ATP5MC1: variants seen among roughly 807,000 people sequenced by gnomAD.
ATP5MC1 encodes ATP synthase F(0) complex subunit C1, mitochondrial.
Under a neutral mutation model 12.1 loss-of-function variants are expected in ATP5MC1, and 4 were observed. The observed-to-expected ratio is 0.33, with a 90% CI of 0.16 to 0.76. The LOEUF is 0.76. Among genes scored for constraint, ATP5MC1 ranks in the 30% least tolerant of loss-of-function variants. ATP5MC1 has a pLI of 0.61. For missense variants in ATP5MC1, 117 were observed against 172.1 expected (o/e 0.68, Z 1.79); for synonymous variants, 52 against 66.0 (o/e 0.79, Z 1.03).
At chr17:48,894,096 G>A (rs898648896) in intron 2 of ATP5MC1, 3 of 387,900 alleles carry the variant, frequency 7.7e-6, no homozygotes, top group Admixed American at 4.1e-5. Flanking sequence ...ATTAGTGTGG[G>A]TTCTTGTTCC....
chr17:48,895,108 T>C (rs755473020), intron 3 of ATP5MC1, 48 bp from the exon 4 acceptor site: 12 of 1,547,688 alleles, frequency 7.8e-6, no homozygotes, highest in Non-Finnish European at 1.1e-5. Flanking sequence ...CCTGTCCTTA[T>C]GCCATACTAT....
intron 4 of ATP5MC1, 92 bp from the exon 5 acceptor site, chr17:48,895,563 G>T: frequency 7.4e-7 from 1 of 1,349,682 alleles, no homozygotes. Context: ...TCTCCCAGGA[G>T]TAACAGTCCC....
intron 2 of ATP5MC1, 103 bp downstream of exon 2, chr17:48,893,559 A>G (rs768979888): frequency 1.0e-5 from 13 of 1,295,680 alleles, no homozygotes; most frequent in Non-Finnish European, 1.4e-5. Context: ...CTGATGATGT[A>G]GGCTCTTTGA....
At chr17:48,893,377 G>T (rs985631532) in intron 1 of ATP5MC1, 32 bp from the exon 2 acceptor site, 4 of 1,611,494 alleles carry the variant, frequency 2.5e-6, no homozygotes, top group Middle Eastern at 1.7e-4. Flanking sequence ...GTCTCAGTGG[G>T]ATTATTATTA....
chr17:48,892,843 G>A lies in ATP5MC1; in HGVS notation c.-77G>A, dbSNP rs1471463516. ...AGACCAAGGGCTAAAGCTGGGAGGT[G>A]AGTCTGTCACCTTGAGCCGGGCGAG... On this transcript the variant is annotated 5_prime_UTR_variant, in exon 1 of 5. Coordinates refer to ENST00000393366, the MANE Select transcript of ATP5MC1 (RefSeq NM_005175.3). The A allele has an allele frequency of 6.5e-6, 1 of 154,096 alleles. No homozygotes were observed. The highest frequency in any genetic ancestry group is 1.4e-5 in the Non-Finnish European group (1 of 69,132). 9.5% of individuals were successfully genotyped at this position (154,096 alleles called of 1,614,324 possible).
intron 3 of ATP5MC1, 58 bp downstream of exon 3, chr17:48,894,507 C>T: frequency 6.5e-7 from 1 of 1,540,886 alleles, no homozygotes; most frequent in South Asian, 1.1e-5. Context: ...GTGGCTCACA[C>T]CTGTAATCCC....
At chr17:48,895,527 C>A in intron 4 of ATP5MC1, 128 bp from the exon 5 acceptor site, 1 of 1,273,694 alleles carries the variant, frequency 7.9e-7, no homozygotes, top group Non-Finnish European at 1.1e-6. Flanking sequence ...CCATCCAAAT[C>A]CCCAGGATCT....
In ATP5MC1 at chr17:48,895,407, C is replaced by T. The variant is rs2040563823; in HGVS notation, c.296+73C>T. 3 of 1,520,570 alleles carry T rather than the reference C, an allele frequency of 2.0e-6. No individual in the cohort carries two copies. In the East Asian group the frequency reaches 6.8e-5, roughly 35 times the overall value. 94.2% of individuals were successfully genotyped at this position (1,520,570 alleles called of 1,614,324 possible). On this transcript the variant is annotated intron_variant, in intron 4 of 4. Coordinates refer to ENST00000393366, the MANE Select transcript of ATP5MC1 (RefSeq NM_005175.3). ...TTTGGGGAAGCCTCAGCTGGAGGAG[C>T]TCCCTTCAGGAGCCTTCAGGTTGAT... is the stretch of plus-strand genomic sequence containing the variant.
rs1013550872 is a variant in ATP5MC1 at position 48,893,841 on chromosome 17, C to G, written c.39+385C>G. ...GGGGGTGGAACCCAGGCATCTGTAT[C>G]TTTTAAGACTTCTCCAGATGATTCC... On this transcript the variant is annotated intron_variant, in intron 2 of 4. Coordinates refer to ENST00000393366, the MANE Select transcript of ATP5MC1 (RefSeq NM_005175.3). 1.5e-5 allele frequency: 4 copies of G among 259,576 alleles called. No individual in the cohort carries two copies. The East Asian group carries it at 3.5e-4, about 23-fold the overall frequency. The allele number at this position is 259,576 out of a possible 1,614,324, so 16.1% of individuals were successfully genotyped here.
At chr17:48,895,444 CAT>C in intron 4 of ATP5MC1, 110 bp downstream of exon 4, 1 of 1,451,322 alleles carries the variant, frequency 6.9e-7, no homozygotes, top group Non-Finnish European at 9.3e-7. Flanking sequence ...TCATCTACAT[CAT>C]AGTTTCTCCA....
intron 3 of ATP5MC1, chr17:48,894,847 G>A (rs1460585930): frequency 1.8e-6 from 1 of 557,210 alleles, no homozygotes. Flanking sequence ...AGACCAAAGT[G>A]GGAGGAGAGT....
intron 3 of ATP5MC1, 127 bp from the exon 4 acceptor site, chr17:48,895,029 C>A: frequency 9.5e-7 from 1 of 1,057,628 alleles, no homozygotes; most frequent in Non-Finnish European, 1.4e-6. Flanking sequence ...GAGTATTCTG[C>A]ATTTACCAGG....
Position 48,895,732 on chromosome 17 carries a change from G to T in ATP5MC1, c.374G>T (p.Cys125Phe). 1 of 1,613,778 alleles carries T rather than the reference G, an allele frequency of 6.2e-7. No homozygotes were observed. Residue 125 changes from cysteine to phenylalanine, a missense_variant, in exon 5 of 5, where the codon TGT becomes TTT. Physicochemically the swap from Cys to Phe is radical, Grantham distance 205 (BLOSUM62 -2). Transcript: ENST00000393366. ...CTGTCTGAGGCCATGGGGCTTTTCT[G>T]TTTGATGGTCGCCTTCCTCATCCTC... Reference protein sequence around the residue: ...FALSEAMGLFCLMVAFLILFA... With the variant: ...FALSEAMGLFFLMVAFLILFA...
At chr17:48,894,258 G>A in intron 2 of ATP5MC1, 114 bp from the exon 3 acceptor site, 1 of 1,023,314 alleles carries the variant, frequency 9.8e-7, no homozygotes, top group Admixed American at 1.8e-5. Flanking sequence ...AATTGACCTT[G>A]AAATACATTG....
At chr17:48,894,628 T>C in intron 3 of ATP5MC1, 179 bp downstream of exon 3, 3 of 580,458 alleles carry the variant, frequency 5.2e-6, no homozygotes, top group Middle Eastern at 5.1e-4. Context: ...AAATTAGCCA[T>C]GTGTGGTGGC....
chr17:48,894,727 C>G (rs913973717), intron 3 of ATP5MC1: 4 of 520,172 alleles, frequency 7.7e-6, no homozygotes, highest in Admixed American at 4.9e-5. Flanking sequence ...TGCCACTGCA[C>G]TCCAGACTGG....
At chr17:48,893,293 A>C in intron 1 of ATP5MC1, 116 bp from the exon 2 acceptor site, 1 of 1,036,282 alleles carries the variant, frequency 9.6e-7, no homozygotes. Context: ...GGTGCAAGGA[A>C]GAGCGTGGTC....
At position 48,894,434 on chromosome 17, in the gene ATP5MC1, G is replaced by T. The variant is rs755312179; in HGVS notation, c.102G>T (p.Val34=). 39 of 1,613,164 alleles carry T rather than the reference G, an allele frequency of 2.4e-5. No individual in the cohort carries two copies. Among genetic ancestry groups the T allele is most frequent in the Admixed American group, 6.7e-5 (4 of 59,956 alleles). The change falls in exon 3 of 5, where the codon GTG becomes GTT. Residue 34 remains valine (V), a synonymous_variant. Transcript: ENST00000393366. ...CTGCCTCCTTCTTGAATAGCCCAGT[G>T]AATTCATCTAAACAGGTAAGGGAGG... The part of the protein sequence containing the change: ...PVSASFLNSP[V]NSSKQPSYSN...
chr17:48,894,573 G>A (rs900561838), intron 3 of ATP5MC1, 124 bp downstream of exon 3: 1 of 956,326 alleles, frequency 1.0e-6, no homozygotes, highest in East Asian at 2.5e-5. Flanking sequence ...TTCAAGACCA[G>A]CCTGGGCAAC....
Sources: gnomAD v4.1 joint callset for allele counts on GRCh38, gnomAD v4.1.1 for gene constraint, MANE v1.5 for transcripts, NCBI Gene and HGNC (gene_info 2026-07-23, HGNC 2026-07-21) for gene names.